KLF12: variants seen among roughly 807,000 people sequenced by gnomAD.
The protein encoded by KLF12 is Krueppel-like factor 12.
A neutral mutation model predicts 37.8 loss-of-function variants in KLF12; 9 were observed. The observed-to-expected ratio is 0.24, with a 90% CI of 0.14 to 0.42. KLF12 has a LOEUF of 0.42. Among genes scored for constraint, KLF12 ranks in the 10% least tolerant of loss-of-function variants. The pLI, the probability that KLF12 is intolerant of heterozygous loss-of-function variation, is 1.00. For synonymous variants in KLF12, 208 were observed against 202.1 expected (o/e 1.03, Z -0.25); for missense variants, 411 against 516.0 (o/e 0.80, Z 1.97).
chr13:74,111,643 T>C (rs1016266657), intron 1 of KLF12, among the ~76,000 whole-genome samples: 2 of 152,152 alleles, frequency 1.3e-5, no homozygotes, highest in Non-Finnish European at 2.9e-5. Flanking sequence ...TCATTCACCC[T>C]AAAGAACACA....
intron 1 of KLF12, among the ~76,000 whole-genome samples, chr13:74,061,424 A>AT (rs1873582906): frequency 6.6e-6 from 1 of 152,214 alleles, no homozygotes; most frequent in East Asian, 1.9e-4. Context: ...AAAATTTAAT[A>AT]TAAGCATACT....
chr13:74,132,131 AG>A (rs35690576), intron 1 of KLF12, among the ~76,000 whole-genome samples: 2 of 151,918 alleles, frequency 1.3e-5, no homozygotes, highest in South Asian at 2.1e-4. Flanking sequence ...TCCTTGAGGG[AG>A]GGGGGGTCCA....
At position 73,688,791 on chromosome 13, in the gene KLF12, A is replaced by G. The variant is rs1873648926; in HGVS notation, c.*6699T>C. The G allele has an allele frequency of 1.3e-5, 2 of 152,194 alleles. No homozygotes were observed. The highest frequency in any genetic ancestry group is 2.9e-5 in the Non-Finnish European group (2 of 68,038). The allele number at this position is 152,194 out of a possible 1,614,324, so 9.4% of individuals were successfully genotyped here. On this transcript the variant is annotated 3_prime_UTR_variant, in exon 8 of 8. Coordinates refer to ENST00000377669, the MANE Select transcript of KLF12 (RefSeq NM_007249.5). The stretch of plus-strand genomic sequence containing the variant: ...TGATGACTACTCATGCATGTTGTCC[A>G]TAATAAAATTACTGAGAGTCAGGAA...
At chr13:74,105,941 T>C (rs1876627944) in intron 1 of KLF12, among the ~76,000 whole-genome samples, 1 of 152,172 alleles carries the variant, frequency 6.6e-6, no homozygotes, top group African/African-American at 2.4e-5. Context: ...CTTATTGTAA[T>C]GAAATTAAGG....
At chr13:74,154,757 G>A in the KLF12 span, among the ~76,000 whole-genome samples, 4 of 152,138 alleles carry the variant, frequency 2.6e-5, no homozygotes, top group Admixed American at 6.5e-5. Context: ...GATGGGTACC[G>A]GCCAGTCTTT....
At chr13:74,247,983 A>G in the KLF12 span, among the ~76,000 whole-genome samples, 1 of 152,222 alleles carries the variant, frequency 6.6e-6, no homozygotes, top group East Asian at 1.9e-4. Context: ...GTGGCGCTGG[A>G]TGCCTTAAGC....
At chr13:73,892,076 C>T (rs1887532997) in intron 3 of KLF12, among the ~76,000 whole-genome samples, 1 of 151,592 alleles carries the variant, frequency 6.6e-6, no homozygotes, top group Admixed American at 6.6e-5. Flanking sequence ...AAGTATTTAT[C>T]CTGGGGCCCA....
the KLF12 span, among the ~76,000 whole-genome samples, chr13:74,275,368 C>T: frequency 6.6e-6 from 1 of 152,160 alleles, no homozygotes; most frequent in Non-Finnish European, 1.5e-5. Context: ...TGTGACCTGA[C>T]TTTCATCTTA....
intron 1 of KLF12, among the ~76,000 whole-genome samples, chr13:74,020,521 CAT>C (rs1892815358): frequency 6.6e-6 from 1 of 152,088 alleles, no homozygotes; most frequent in African/African-American, 2.4e-5. Flanking sequence ...ACCCAAGACA[CAT>C]GTTTTCTGAG....
chr13:73,924,299 C>A (rs988556696), intron 3 of KLF12, among the ~76,000 whole-genome samples: 1 of 148,152 alleles, frequency 6.7e-6, no homozygotes, highest in Admixed American at 6.7e-5. Flanking sequence ...AGGTTTAGGG[C>A]AACCCTGCAT....
At chr13:73,709,699 T>A (rs1445703658) in intron 7 of KLF12, among the ~76,000 whole-genome samples, 3 of 152,166 alleles carry the variant, frequency 2.0e-5, no homozygotes, top group Admixed American at 6.5e-5. Context: ...GCTAAGTGGA[T>A]GAATGGATTT....
intron 4 of KLF12, among the ~76,000 whole-genome samples, chr13:73,813,827 A>G (rs888983949): frequency 6.6e-5 from 10 of 152,226 alleles, no homozygotes; most frequent in African/African-American, 2.4e-4. Flanking sequence ...TACTACTATA[A>G]GGTGGGATTT....
At chr13:73,892,480 T>G (rs761289709) in intron 3 of KLF12, among the ~76,000 whole-genome samples, 21 of 152,282 alleles carry the variant, frequency 1.4e-4, no homozygotes, top group Non-Finnish European at 2.8e-4. Context: ...CCACTAAGAC[T>G]TTATCTACTC....
the KLF12 span, among the ~76,000 whole-genome samples, chr13:74,223,286 T>G: frequency 6.6e-6 from 1 of 152,254 alleles, no homozygotes. Flanking sequence ...TGACTTTGTA[T>G]GTAGATGGTG....
chr13:74,082,883 G>A (rs928747865), intron 1 of KLF12, among the ~76,000 whole-genome samples: 5 of 152,112 alleles, frequency 3.3e-5, no homozygotes, highest in Non-Finnish European at 7.3e-5. Flanking sequence ...CAAGAGTTAG[G>A]TTAGTTAAAA....
intron 1 of KLF12, among the ~76,000 whole-genome samples, chr13:74,089,965 G>T (rs1183184186): frequency 6.6e-6 from 1 of 151,824 alleles, no homozygotes; most frequent in Non-Finnish European, 1.5e-5. Flanking sequence ...GCAAGAAAAA[G>T]AAATAAAAGG....
intron 1 of KLF12, among the ~76,000 whole-genome samples, chr13:74,022,079 T>C (rs1356718396): frequency 6.6e-6 from 1 of 152,154 alleles, no homozygotes; most frequent in Non-Finnish European, 1.5e-5. Context: ...TCTGATCTTT[T>C]TGTGTCTTAG....
At chr13:74,099,572 T>A (rs61421025) in intron 1 of KLF12, among the ~76,000 whole-genome samples, 53,529 of 152,014 alleles carry the variant, frequency 0.35, 9,731 homozygotes, top group Middle Eastern at 0.47. Flanking sequence ...CACATACATA[T>A]AATCAAACTG....
chr13:73,688,104 A>G lies in KLF12; in HGVS notation c.*7386T>C, dbSNP rs1873600945. On this transcript the variant is annotated 3_prime_UTR_variant, in exon 8 of 8. Transcript: ENST00000377669. ...AGGGAGAAAGATAATAATTCAGGAGATTCATTTTCAGAAACAGAAACACTA... is the reference window on the plus strand; with the variant it reads ...AGGGAGAAAGATAATAATTCAGGAGGTTCATTTTCAGAAACAGAAACACTA... 1 of 152,584 alleles carries G rather than the reference A, an allele frequency of 6.6e-6. No homozygotes were observed. The highest frequency in any genetic ancestry group is 1.5e-5 in the Non-Finnish European group (1 of 68,028). 9.5% of individuals were successfully genotyped at this position (152,584 alleles called of 1,614,324 possible).
Sources: gnomAD v4.1 joint callset for allele counts (sites outside exome capture counted in the v4.1 genomes callset) on GRCh38, gnomAD v4.1.1 for gene constraint, MANE v1.5 for transcripts, NCBI Gene and HGNC (gene_info 2026-07-23, HGNC 2026-07-21) for gene names.